FAM168B: variants seen among roughly 807,000 people sequenced by gnomAD.
The protein encoded by FAM168B is myelin-associated neurite-outgrowth inhibitor.
Under a neutral mutation model 21.8 loss-of-function variants are expected in FAM168B, and 19 were observed. The observed-to-expected ratio is 0.87, with a 90% CI of 0.61 to 1.28. The LOEUF is 1.28. Among genes scored for constraint, FAM168B ranks in the 50% most tolerant of loss-of-function variants. FAM168B has a pLI of 0.00. For missense variants in FAM168B, 233 were observed against 263.1 expected, an observed-to-expected ratio of 0.89 and a Z score of 0.79; for synonymous variants, 126 against 104.8, an observed-to-expected ratio of 1.20 and a Z score of -1.24.
At position 131,051,816 on chromosome 2, in the gene FAM168B, T is replaced by C. The variant is rs1307307381; in HGVS notation, c.*649A>G. 3.0e-6 allele frequency: 3 copies of C among 985,432 alleles called. No individual in the cohort carries two copies. In the South Asian group the frequency reaches 1.4e-4, roughly 46 times the overall value. The allele number at this position is 985,432 out of a possible 1,614,324, so 61.0% of individuals were successfully genotyped here. ...AAGCCTAAACTCAAAGGGATGTCCA[T>C]GAACCAGCTGCACCCAAGCAGCTGT... On this transcript the variant is annotated 3_prime_UTR_variant, in exon 7 of 7. Transcript: ENST00000389915.
chr2:131,069,064 A>G (rs576186352), intron 3 of FAM168B, among the ~76,000 whole-genome samples: 109 of 152,352 alleles, frequency 7.2e-4, no homozygotes, highest in African/African-American at 2.5e-3. Context: ...TGGCCCCCAC[A>G]GGCACCCAAG....
chr2:131,051,386 A>G lies in FAM168B; in HGVS notation c.*1079T>C, dbSNP rs1691666654. On this transcript the variant is annotated 3_prime_UTR_variant, in exon 7 of 7. Transcript: ENST00000389915. ...CTTTTAACTCATTCTTAAATATACC[A>G]CTTTCTTCATAACATACAGCTGAAA... is the stretch of plus-strand genomic sequence containing the variant. 1.0e-6 allele frequency: 1 copy of G among 984,824 alleles called. No individual in the cohort carries two copies. The highest frequency in any genetic ancestry group is 1.1e-4 in the East Asian group (1 of 8,784). 61.0% of individuals were successfully genotyped at this position (984,824 alleles called of 1,614,324 possible). A position where few individuals can be genotyped will look rare whatever the true frequency, so the allele number is the denominator to read the frequency against.
At chr2:131,063,173 T>A (rs1022654785) in intron 3 of FAM168B, among the ~76,000 whole-genome samples, 1 of 152,104 alleles carries the variant, frequency 6.6e-6, no homozygotes, top group Non-Finnish European at 1.5e-5. Flanking sequence ...TTTTTAAATT[T>A]AAAAAATTTA....
intron 6 of FAM168B, 49 bp from the exon 7 acceptor site, chr2:131,052,501 C>A: frequency 9.9e-7 from 1 of 1,011,846 alleles, no homozygotes; most frequent in Non-Finnish European, 1.2e-6. Context: ...CTTCCGGCAC[C>A]GCTATTCCAA....
chr2:131,090,366 A>G (rs1386541967), intron 1 of FAM168B, among the ~76,000 whole-genome samples: 1 of 151,304 alleles, frequency 6.6e-6, no homozygotes, highest in Non-Finnish European at 1.5e-5. Context: ...ACTATATACT[A>G]TTGTTTCCTG....
intron 2 of FAM168B, among the ~76,000 whole-genome samples, chr2:131,077,875 G>A (rs1016714999): frequency 1.3e-5 from 2 of 152,192 alleles, no homozygotes; most frequent in Admixed American, 1.3e-4. Context: ...CCTGGTGTAA[G>A]AGACAAAGAT....
chr2:131,064,377 GC>G (rs1692452087), intron 3 of FAM168B, among the ~76,000 whole-genome samples: 2 of 152,018 alleles, frequency 1.3e-5, no homozygotes, highest in South Asian at 4.1e-4. Flanking sequence ...CCAAAACACA[GC>G]ATCATGAAAT....
At chr2:131,068,773 T>C (rs1463557617) in intron 3 of FAM168B, among the ~76,000 whole-genome samples, 1 of 152,130 alleles carries the variant, frequency 6.6e-6, no homozygotes, top group Non-Finnish European at 1.5e-5. Context: ...CCCAGCACTT[T>C]GGAAGGCTGA....
At chr2:131,053,053 C>T (rs1480082166) in intron 5 of FAM168B, 38 bp from the exon 6 acceptor site, 2 of 1,527,522 alleles carry the variant, frequency 1.3e-6, no homozygotes, top group Non-Finnish European at 1.8e-6. Context: ...AGGCTGACCT[C>T]CTGCACAGCT....
intron 1 of FAM168B, among the ~76,000 whole-genome samples, chr2:131,089,978 G>A (rs1405012600): frequency 2.0e-5 from 3 of 151,350 alleles, no homozygotes; most frequent in East Asian, 3.9e-4. Flanking sequence ...GTTTCAGTGA[G>A]CCGAGATCAT....
chr2:131,053,879 A>T (rs1164851855), intron 5 of FAM168B, among the ~76,000 whole-genome samples: 1 of 152,110 alleles, frequency 6.6e-6, no homozygotes, highest in Non-Finnish European at 1.5e-5. Flanking sequence ...TGTCTCAACA[A>T]AAAAAAGTTA....
chr2:131,069,121 G>T (rs541004439), intron 3 of FAM168B, among the ~76,000 whole-genome samples: 1 of 152,342 alleles, frequency 6.6e-6, no homozygotes, highest in African/African-American at 2.4e-5. Flanking sequence ...CCTCTGCTAG[G>T]CAGTGCTGCA....
Position 131,052,121 on chromosome 2 carries a change from T to A in FAM168B, c.*344A>T, listed in dbSNP as rs1558934053. 1 of 985,746 alleles carries A rather than the reference T, an allele frequency of 1.0e-6. No individual in the cohort carries two copies. Among genetic ancestry groups the A allele is most frequent in the Non-Finnish European group, 1.2e-6 (1 of 829,950 alleles). 61.1% of individuals were successfully genotyped at this position (985,746 alleles called of 1,614,324 possible). A position where few individuals can be genotyped will look rare whatever the true frequency, so the allele number is the denominator to read the frequency against. On this transcript the variant is annotated 3_prime_UTR_variant, in exon 7 of 7. Transcript: ENST00000389915. Reference sequence around the variant, plus strand: ...GGATTTTGCATATGATGGTTTTGCATCAGTCACTGCAGGTAGATTGAGCAA... The same window carrying A: ...GGATTTTGCATATGATGGTTTTGCAACAGTCACTGCAGGTAGATTGAGCAA...
In FAM168B at chr2:131,051,308, C is replaced by T. The variant is rs926367430; in HGVS notation, c.*1157G>A. On this transcript the variant is annotated 3_prime_UTR_variant, in exon 7 of 7. Coordinates refer to ENST00000389915, the MANE Select transcript of FAM168B (RefSeq NM_001009993.4). ...GTTTCTACATTTCCAGACATATCCA[C>T]GGCCCTGCCTTTCTACAAGAAATTG... is the stretch of plus-strand genomic sequence containing the variant. The T allele has an allele frequency of 1.1e-5, 11 of 985,254 alleles. No individual in the cohort carries two copies. Among genetic ancestry groups the T allele is most frequent in the Middle Eastern group, 5.2e-4 (1 of 1,936 alleles). 61.0% of individuals were successfully genotyped at this position (985,254 alleles called of 1,614,324 possible).
rs1249771629 is a variant in FAM168B, at chr2:131,050,426, A to G, written c.*2039T>C. The G allele has an allele frequency of 4.1e-5, 40 of 985,712 alleles. No individual in the cohort carries two copies. The highest frequency in any genetic ancestry group is 1.1e-4 in the East Asian group (1 of 8,820). 61.1% of individuals were successfully genotyped at this position (985,712 alleles called of 1,614,324 possible). ...CTACTAATCCTGCCAACCATCCACT[A>G]AACAGATGGAATTACCAACAGAGAC... On this transcript the variant is annotated 3_prime_UTR_variant, in exon 7 of 7. Coordinates refer to ENST00000389915, the MANE Select transcript of FAM168B (RefSeq NM_001009993.4).
intron 3 of FAM168B, among the ~76,000 whole-genome samples, chr2:131,065,198 G>A (rs758754411): frequency 2.0e-5 from 3 of 152,174 alleles, no homozygotes; most frequent in Non-Finnish European, 4.4e-5. Context: ...CGGAAGGCAC[G>A]AGCAAAAGCA....
At chr2:131,074,138 C>CT (rs144312207) in intron 2 of FAM168B, among the ~76,000 whole-genome samples, 5,793 of 151,346 alleles carry the variant, frequency 0.038, 365 homozygotes, top group African/African-American at 0.13. Flanking sequence ...AGTATTCTCT[C>CT]TTTTTTTTTG....
intron 1 of FAM168B, among the ~76,000 whole-genome samples, chr2:131,083,114 G>A (rs1006417946): frequency 5.3e-5 from 8 of 152,020 alleles, no homozygotes; most frequent in South Asian, 2.1e-4. Flanking sequence ...TTAGCACTTC[G>A]GGAGGCTGAG....
chr2:131,055,847 T>A, intron 3 of FAM168B, 152 bp from the exon 4 acceptor site: 1 of 919,432 alleles, frequency 1.1e-6, no homozygotes, highest in Non-Finnish European at 1.6e-6. Context: ...CACTAAGATC[T>A]GACTTCATTC....
Sources: gnomAD v4.1 joint callset for allele counts (sites outside exome capture counted in the v4.1 genomes callset) on GRCh38, gnomAD v4.1.1 for gene constraint, MANE v1.5 for transcripts, NCBI Gene and HGNC (gene_info 2026-07-23, HGNC 2026-07-21) for gene names.